SPEF2: variants seen among roughly 807,000 people sequenced by gnomAD.
SPEF2 encodes the protein sperm flagellar and cilia associated 2.
A neutral mutation model predicts 224.6 loss-of-function variants in SPEF2; 187 were observed. The ratio of observed to expected loss-of-function variants is 0.83; its 90% confidence interval spans 0.74 to 0.94. The LOEUF (loss-of-function observed/expected upper bound fraction) is 0.94. SPEF2 is among the 40% of genes least tolerant of loss of function. The probability of loss-of-function intolerance (pLI) is 0.00; values close to 1 mark genes in which losing one functional copy is unlikely to be tolerated. For missense variants in SPEF2, 2,170 were observed against 2,135.6 expected (o/e 1.02, Z -0.32); for synonymous variants, 715 against 707.3 (o/e 1.01, Z -0.17).
rs1242077409 is a variant in SPEF2 at position 35,795,684 on chromosome 5, A to AT, written c.4738-14dup. The AT allele has an allele frequency of 6.2e-7, 1 of 1,602,826 alleles. No homozygotes were observed. The highest frequency in any genetic ancestry group is 1.3e-5 in the African/African-American group (1 of 74,158). ...CAAAATACATACTTTAACAATTTTC[A>AT]TTTTTATTTTTTATGTAGGCTGGTC... On this transcript the variant is annotated intron_variant, in intron 32 of 36. Transcript: ENST00000356031.
chr5:35,683,727 T>G (rs1298150147), intron 10 of SPEF2, among the ~76,000 whole-genome samples: 3 of 152,238 alleles, frequency 2.0e-5, no homozygotes, highest in Non-Finnish European at 4.4e-5. Context: ...GATCTCTGTG[T>G]GTAAGCAGAC....
At chr5:35,757,330 G>A (rs1467044908) in intron 24 of SPEF2, among the ~76,000 whole-genome samples, 1 of 151,938 alleles carries the variant, frequency 6.6e-6, no homozygotes, top group Non-Finnish European at 1.5e-5. Flanking sequence ...ACAGATAACA[G>A]CACTGTCCCA....
At chr5:35,618,121 G>C in intron 1 of SPEF2, 66 bp downstream of exon 1, 1 of 1,517,286 alleles carries the variant, frequency 6.6e-7, no homozygotes, top group Non-Finnish European at 9.0e-7. Flanking sequence ...GCAGCGCAGC[G>C]CAGCGCACTC....
rs1039854137 is a variant in SPEF2 at position 35,712,808 on chromosome 5, T to G, written c.2840-4T>G. 4.3e-6 allele frequency: 7 copies of G among 1,613,590 alleles called. No homozygotes were observed. In the Admixed American group the frequency reaches 5.0e-5, roughly 12 times the overall value. ...ATGATTTTTGTGTGTCGAATTTTGT[T>G]TAGAAGCCCCGCATGGTAAGCAAGA... On this transcript the variant is annotated splice_region_variant and splice_polypyrimidine_tract_variant and intron_variant, in intron 19 of 36. Coordinates refer to ENST00000356031, the MANE Select transcript of SPEF2 (RefSeq NM_024867.4).
At chr5:35,801,301 A>G (rs1757386893) in intron 34 of SPEF2, among the ~76,000 whole-genome samples, 1 of 152,170 alleles carries the variant, frequency 6.6e-6, no homozygotes, top group Admixed American at 6.5e-5. Flanking sequence ...GGCTCACCTG[A>G]GGTCAGGAGT....
intron 31 of SPEF2, 89 bp from the exon 32 acceptor site, chr5:35,793,070 G>A: frequency 1.6e-6 from 2 of 1,229,402 alleles, no homozygotes; most frequent in South Asian, 1.5e-5. Context: ...CTTCTTTCAT[G>A]GGAAACTCTC....
chr5:35,668,335 T>C (rs1439476790), intron 9 of SPEF2, among the ~76,000 whole-genome samples: 1 of 152,118 alleles, frequency 6.6e-6, no homozygotes, highest in African/African-American at 2.4e-5. Flanking sequence ...AATAATAAAC[T>C]ATTAATACAT....
At chr5:35,702,609 T>C (rs1738877359) in intron 16 of SPEF2, among the ~76,000 whole-genome samples, 1 of 152,192 alleles carries the variant, frequency 6.6e-6, no homozygotes, top group African/African-American at 2.4e-5. Flanking sequence ...GGGTGCTGAC[T>C]GTCTTCAGTT....
At chr5:35,791,646 A>G (rs987050480) in intron 30 of SPEF2, 4 of 151,930 alleles carry the variant, frequency 2.6e-5, no homozygotes, top group African/African-American at 9.7e-5. Flanking sequence ...TTTCTTATTT[A>G]TTTCTTAATG....
At chr5:35,705,307 A>G (rs1393173610) in intron 17 of SPEF2, among the ~76,000 whole-genome samples, 3 of 152,016 alleles carry the variant, frequency 2.0e-5, no homozygotes, top group African/African-American at 7.2e-5. Context: ...TAGATGGCCT[A>G]GGTGCATCAG....
chr5:35,707,891 G>C (rs1292734984), intron 18 of SPEF2, among the ~76,000 whole-genome samples: 1 of 152,092 alleles, frequency 6.6e-6, no homozygotes, highest in Non-Finnish European at 1.5e-5. Context: ...AACTTAAGAA[G>C]CTGCCCACAA....
intron 10 of SPEF2, among the ~76,000 whole-genome samples, chr5:35,681,019 A>G (rs1269615316): frequency 6.6e-6 from 1 of 152,194 alleles, no homozygotes; most frequent in Non-Finnish European, 1.5e-5. Context: ...TCCCTGGTTA[A>G]GACATCATTT....
chr5:35,684,563 C>G (rs939994290), intron 10 of SPEF2, among the ~76,000 whole-genome samples: 3 of 152,196 alleles, frequency 2.0e-5, no homozygotes, highest in Non-Finnish European at 2.9e-5. Context: ...ATGTGGCGCT[C>G]TTACATGCCT....
intron 30 of SPEF2, among the ~76,000 whole-genome samples, chr5:35,785,841 G>A (rs1237043820): frequency 1.3e-5 from 2 of 151,306 alleles, no homozygotes; most frequent in Non-Finnish European, 3.0e-5. Flanking sequence ...ACAGCCATGA[G>A]CTACCATGCT....
At chr5:35,650,330 A>G (rs981969849) in intron 6 of SPEF2, among the ~76,000 whole-genome samples, 2 of 152,112 alleles carry the variant, frequency 1.3e-5, no homozygotes, top group African/African-American at 4.8e-5. Flanking sequence ...CCCTATTCTG[A>G]TTCCCACTCC....
intron 1 of SPEF2, among the ~76,000 whole-genome samples, chr5:35,628,252 ATATT>A (rs1334800290): frequency 7.2e-5 from 11 of 152,074 alleles, no homozygotes. Context: ...TTATTGATTT[ATATT>A]TATTTGGGAA....
At chr5:35,751,886 G>A in intron 23 of SPEF2, among the ~76,000 whole-genome samples, 1 of 152,174 alleles carries the variant, frequency 6.6e-6, no homozygotes, top group East Asian at 1.9e-4. Flanking sequence ...TGGGGGTTAG[G>A]AGATAATCAA....
chr5:35,632,387 A>G (rs1283620103), intron 2 of SPEF2, among the ~76,000 whole-genome samples: 1 of 152,194 alleles, frequency 6.6e-6, no homozygotes, highest in Non-Finnish European at 1.5e-5. Context: ...AGGGCCCCGC[A>G]TAAAACCATC....
intron 30 of SPEF2, chr5:35,788,721 T>C: frequency 1.4e-6 from 1 of 703,054 alleles, no homozygotes; most frequent in Non-Finnish European, 2.6e-6. Flanking sequence ...GAGGTGGCCC[T>C]ACTATTAAGA....
Sources: gnomAD v4.1 joint callset for allele counts (sites outside exome capture counted in the v4.1 genomes callset) on GRCh38, gnomAD v4.1.1 for gene constraint, MANE v1.5 for transcripts, NCBI Gene and HGNC (gene_info 2026-07-23, HGNC 2026-07-21) for gene names.